PCDHA13: variants seen among roughly 807,000 people sequenced by gnomAD.
The protein encoded by PCDHA13 is protocadherin alpha 13.
Under a neutral mutation model 64.8 loss-of-function variants are expected in PCDHA13, and 54 were observed. The ratio of observed to expected loss-of-function variants is 0.83; its 90% CI spans 0.67 to 1.04. The LOEUF (loss-of-function observed/expected upper bound fraction) is 1.04. Among genes scored for constraint, PCDHA13 ranks in the 50% least tolerant of loss-of-function variants. PCDHA13 has a pLI of 0.00. For missense variants in PCDHA13, 1,248 were observed against 1,254.3 expected, an observed-to-expected ratio of 0.99 and a Z score of 0.08; for synonymous variants, 587 against 564.4, an observed-to-expected ratio of 1.04 and a Z score of -0.57.
chr5:140,883,453 C>T lies in PCDHA13; in HGVS notation c.1185C>T (p.Phe395=), dbSNP rs138388360. The T allele has an allele frequency of 2.8e-5, 46 of 1,614,168 alleles. No homozygotes were observed. Among genetic ancestry groups the T allele is most frequent in the Non-Finnish European group, 3.9e-5 (46 of 1,180,042 alleles). Residue 395 remains phenylalanine, a synonymous_variant, in exon 1 of 4, where the codon TTC becomes TTT. Coordinates refer to ENST00000289272, the MANE Select transcript of PCDHA13 (RefSeq NM_018904.3). ...GCACCTTGACGCCGCATGTCCCCTT[C>T]AAGCTGGTGTCCACCTACAAGAACT... is the stretch of plus-strand genomic sequence containing the variant. The part of the protein sequence containing the change: ...VTCTLTPHVP[F]KLVSTYKNYY...
intron 1 of PCDHA13, 78 bp from the exon 2 acceptor site, chr5:140,978,871 T>G: frequency 6.2e-7 from 1 of 1,606,510 alleles, no homozygotes; most frequent in Non-Finnish European, 8.5e-7. Context: ...TTTAAGGGAG[T>G]AACTAATCAA....
rs1472597239 is a variant in PCDHA13, at chr5:140,928,524, TG to T, written c.2394+43863del. 16 of 1,614,070 alleles carry T rather than the reference TG, an allele frequency of 9.9e-6. No individual in the cohort carries two copies. The African/African-American group carries it at 2.1e-4, about 22-fold the overall frequency. On this transcript the variant is annotated intron_variant, in intron 1 of 3. Transcript: ENST00000289272. Reference sequence around the variant, plus strand: ...GTGCAACAGTGACTATAAACTTGTTTGTGGTAGATAGGAATGACAATTATCC... The same window carrying T: ...GTGCAACAGTGACTATAAACTTGTTTTGGTAGATAGGAATGACAATTATCC...
chr5:140,963,771 GA>G (rs1459827253), intron 1 of PCDHA13, among the ~76,000 whole-genome samples: 2 of 152,164 alleles, frequency 1.3e-5, no homozygotes, highest in African/African-American at 4.8e-5. Context: ...ATTTCATGAC[GA>G]CAGCAACAAC....
chr5:140,897,409 A>G (rs945260120), intron 1 of PCDHA13, among the ~76,000 whole-genome samples: 16 of 140,532 alleles, frequency 1.1e-4, no homozygotes, highest in Non-Finnish European at 1.7e-4. Flanking sequence ...TCATTGTTCA[A>G]TTCCCATCTA....
At chr5:140,928,585 G>A (rs1554206029) in intron 1 of PCDHA13, 1 of 1,614,194 alleles carries the variant, frequency 6.2e-7, no homozygotes, top group Admixed American at 1.7e-5. Context: ...AAATGGTTCT[G>A]TCCCAGTGGA....
intron 1 of PCDHA13, among the ~76,000 whole-genome samples, chr5:140,921,828 A>C (rs1209455799): frequency 6.6e-6 from 1 of 152,126 alleles, no homozygotes; most frequent in Non-Finnish European, 1.5e-5. Flanking sequence ...ATATCTATAC[A>C]CATATAGACA....
intron 1 of PCDHA13, among the ~76,000 whole-genome samples, chr5:140,891,954 G>C (rs782159289): frequency 4.6e-5 from 7 of 152,318 alleles, no homozygotes; most frequent in Admixed American, 6.5e-5. Flanking sequence ...CTCCAGAATT[G>C]TGAGAAGTAA....
intron 3 of PCDHA13, among the ~76,000 whole-genome samples, chr5:140,992,102 G>A (rs1205417295): frequency 6.6e-6 from 1 of 150,914 alleles, no homozygotes; most frequent in Non-Finnish European, 1.5e-5. Context: ...AGAGAATTAA[G>A]GTGAGATGTG....
Position 140,884,687 on chromosome 5 carries a change from T to C in PCDHA13, c.2394+25T>C, listed in dbSNP as rs782253030. The C allele has an allele frequency of 4.6e-6, 7 of 1,538,230 alleles. No homozygotes were observed. In the South Asian group the frequency reaches 8.8e-5, roughly 19 times the overall value. On this transcript the variant is annotated intron_variant, in intron 1 of 3. Coordinates refer to ENST00000289272, the MANE Select transcript of PCDHA13 (RefSeq NM_018904.3). ...GGTAAGCTTATATTTTAAAAAATTGTCTTAGTAAACACTTTAGCCTTCCTT... is the reference window on the plus strand; with the variant it reads ...GGTAAGCTTATATTTTAAAAAATTGCCTTAGTAAACACTTTAGCCTTCCTT...
rs144442346 is a variant in PCDHA13 at position 140,929,817 on chromosome 5, G to A, written c.2394+45155G>A. 1,292 of 158,464 alleles carry A rather than the reference G, an allele frequency of 8.2e-3. 7 individuals are homozygous for A. Among genetic ancestry groups the A allele is most frequent in the African/African-American group, 0.019 (796 of 41,644 alleles). 9.8% of individuals were successfully genotyped at this position (158,464 alleles called of 1,614,324 possible). On this transcript the variant is annotated intron_variant, in intron 1 of 3. Coordinates refer to ENST00000289272, the MANE Select transcript of PCDHA13 (RefSeq NM_018904.3). The stretch of plus-strand genomic sequence containing the variant: ...ATGGGGGTTAAAAGAAGGGAGAAAG[G>A]GAACATAAGAGAACATTTGAGTGAG...
At position 140,946,611 on chromosome 5, in the gene PCDHA13, A is replaced by AATATATATATATATATATATATATAT. The variant is rs1554217734; in HGVS notation, c.2395-32317_2395-32316insTATATATATATATATATATATATATA. Among the ~76,000 whole-genome samples, 847 of 86,186 alleles carry AATATATATATATATATATATATATAT rather than the reference A, an allele frequency of 9.8e-3. 28 individuals carry two copies. The highest frequency in any genetic ancestry group is 0.012 in the Non-Finnish European group (550 of 46,284). The allele number at this position is 86,186 out of a possible 152,430, so 56.5% of individuals were successfully genotyped here. ...GGATGAATAGATAAAGAAAATGTGA[A>AATATATATATATATATATATATATAT]ATATATATATATATATATATACAAT... On this transcript the variant is annotated intron_variant, in intron 1 of 3. Coordinates refer to ENST00000289272, the MANE Select transcript of PCDHA13 (RefSeq NM_018904.3).
chr5:140,930,494 A>T (rs1238249815), intron 1 of PCDHA13: 3 of 152,500 alleles, frequency 2.0e-5, no homozygotes, highest in Admixed American at 6.6e-5. Flanking sequence ...AAGTGCTGGG[A>T]TTACAGGCAT....
rs1038140347 is a variant in PCDHA13 at position 140,928,220 on chromosome 5, C to T, written c.2394+43558C>T. On this transcript the variant is annotated intron_variant, in intron 1 of 3. Transcript: ENST00000289272. ...GTTGCTGATGTGAATGACAATACAC[C>T]AAACTTTCCTCAACCCCAGCAGGAA... The T allele has an allele frequency of 2.5e-6, 4 of 1,614,048 alleles. No individual in the cohort carries two copies. The Admixed American group carries it at 5.0e-5, about 20-fold the overall frequency.
At position 140,927,496 on chromosome 5, in the gene PCDHA13, G is replaced by A. The variant is rs1206944698; in HGVS notation, c.2394+42834G>A. ...CGAACAGCGCGCCACCCACCTGCTG[G>A]TGCTTACAGCTCGGGACGGCGGGCT... On this transcript the variant is annotated intron_variant, in intron 1 of 3. Coordinates refer to ENST00000289272, the MANE Select transcript of PCDHA13 (RefSeq NM_018904.3). 10 of 1,614,026 alleles carry A rather than the reference G, an allele frequency of 6.2e-6. No individual in the cohort carries two copies. In the African/African-American group the frequency reaches 8.0e-5, roughly 13 times the overall value.
At chr5:140,886,923 A>G (rs2061226884) in intron 1 of PCDHA13, among the ~76,000 whole-genome samples, 1 of 151,812 alleles carries the variant, frequency 6.6e-6, no homozygotes, top group Non-Finnish European at 1.5e-5. Context: ...AGTGTTCTCT[A>G]TGTGCCAGGC....
intron 1 of PCDHA13, chr5:140,926,974 G>T (rs145276602): frequency 2.2e-4 from 360 of 1,610,140 alleles, no homozygotes; most frequent in Middle Eastern, 1.2e-3. Context: ...CTCAGTGCCG[G>T]AGGAGACGGA....
intron 3 of PCDHA13, among the ~76,000 whole-genome samples, chr5:140,986,774 A>G (rs1201484926): frequency 6.6e-6 from 1 of 152,226 alleles, no homozygotes; most frequent in Non-Finnish European, 1.5e-5. Context: ...TTAATTAGGT[A>G]GCGGAAGCCA....
intron 1 of PCDHA13, chr5:140,967,360 G>A: frequency 1.2e-6 from 2 of 1,607,656 alleles, no homozygotes; most frequent in South Asian, 1.1e-5. Context: ...TGGACCTTAA[G>A]CCCCTGCAGG....
chr5:140,960,628 T>C (rs1474502656), intron 1 of PCDHA13, among the ~76,000 whole-genome samples: 1 of 152,192 alleles, frequency 6.6e-6, no homozygotes, highest in Non-Finnish European at 1.5e-5. Context: ...TTTTGAAATA[T>C]ATTTTTAAAA....
Sources: allele counts gnomAD v4.1 joint callset (sites outside exome capture counted in the v4.1 genomes callset), GRCh38; gene constraint gnomAD v4.1.1; transcripts MANE v1.5; gene names NCBI Gene and HGNC (gene_info 2026-07-23, HGNC 2026-07-21).